Variants in SERGEF observed in about 807,000 individuals in gnomAD.
The protein encoded by SERGEF is secretion-regulating guanine nucleotide exchange factor.
Under a neutral mutation model 50.0 loss-of-function variants are expected in SERGEF, and 51 were observed. The observed-to-expected ratio is 1.02, with a 90% confidence interval of 0.81 to 1.29. The LOEUF is 1.29. Among genes scored for constraint, SERGEF ranks in the 50% most tolerant of loss-of-function variants. The pLI is 0.00. For synonymous variants in SERGEF, 205 were observed against 212.4 expected (o/e 0.97, Z 0.30); for missense variants, 521 against 557.0 (o/e 0.94, Z 0.65).
At chr11:17,890,121 C>T (rs565045655) in intron 9 of SERGEF, among the ~76,000 whole-genome samples, 20 of 150,984 alleles carry the variant, frequency 1.3e-4, no homozygotes, top group African/African-American at 3.6e-4. Context: ...AGAAAAGTGG[C>T]TAAGAAGGGG....
chr11:17,917,770 A>G (rs1448950100), intron 9 of SERGEF, among the ~76,000 whole-genome samples: 1 of 152,106 alleles, frequency 6.6e-6, no homozygotes, highest in Non-Finnish European at 1.5e-5. Context: ...CAGCATAGGA[A>G]TGCTGGAAAT....
At chr11:17,814,278 T>C (rs1270898706) in intron 10 of SERGEF, among the ~76,000 whole-genome samples, 1 of 152,202 alleles carries the variant, frequency 6.6e-6, no homozygotes, top group Non-Finnish European at 1.5e-5. Flanking sequence ...GTGGGCCTCA[T>C]CCAGTTAAAG....
intron 10 of SERGEF, among the ~76,000 whole-genome samples, chr11:17,828,181 C>G (rs559076547): frequency 6.6e-6 from 1 of 152,148 alleles, no homozygotes; most frequent in African/African-American, 2.4e-5. Flanking sequence ...GTGAGTAAGT[C>G]GGGAAGTTGA....
At chr11:17,841,797 T>C (rs1850507732) in intron 10 of SERGEF, among the ~76,000 whole-genome samples, 1 of 152,204 alleles carries the variant, frequency 6.6e-6, no homozygotes, top group African/African-American at 2.4e-5. Flanking sequence ...TCAAATCATA[T>C]TGACCTTCTC....
chr11:17,830,630 AAGGGGG>A (rs1565179365), intron 10 of SERGEF, among the ~76,000 whole-genome samples: 2 of 25,054 alleles, frequency 8.0e-5, no homozygotes, highest in Admixed American at 1.2e-3. Context: ...GAGAGAGGGA[AAGGGGG>A]AGGGAGAGGG....
intron 8 of SERGEF, among the ~76,000 whole-genome samples, chr11:17,974,592 G>C (rs1853327632): frequency 6.6e-6 from 1 of 152,148 alleles, no homozygotes; most frequent in African/African-American, 2.4e-5. Context: ...CTCATAAAAG[G>C]GCTCATGTGG....
rs183433907 is a variant in SERGEF at position 17,832,210 on chromosome 11, A to T, written c.1049-43797T>A. Among the ~76,000 whole-genome samples the T allele has an allele frequency of 3.9e-5, 6 of 152,316 alleles. No individual in the cohort carries two copies. In the East Asian group the frequency reaches 1.2e-3, roughly 29 times the overall value. On this transcript the variant is annotated intron_variant, in intron 10 of 10. Transcript: ENST00000265965. Reference sequence around the variant, plus strand: ...TGTGGGAGGGACCTGGTGGGAGGTAACTGAATCATGGGGGCAAATCATTCT... The same window carrying T: ...TGTGGGAGGGACCTGGTGGGAGGTATCTGAATCATGGGGGCAAATCATTCT...
chr11:17,995,565 C>A (rs548885654), intron 6 of SERGEF, among the ~76,000 whole-genome samples: 1 of 152,330 alleles, frequency 6.6e-6, no homozygotes, highest in African/African-American at 2.4e-5. Flanking sequence ...TCAATCTCCA[C>A]CTACCTGACT....
intron 10 of SERGEF, among the ~76,000 whole-genome samples, chr11:17,812,934 G>A (rs910774510): frequency 6.6e-6 from 1 of 152,166 alleles, no homozygotes; most frequent in African/African-American, 2.4e-5. Flanking sequence ...CTTGGAGAGC[G>A]TGAAGGCAAT....
chr11:17,959,160 T>C (rs1175979591), intron 9 of SERGEF, among the ~76,000 whole-genome samples: 1 of 152,208 alleles, frequency 6.6e-6, no homozygotes, highest in Non-Finnish European at 1.5e-5. Context: ...TGAGCCACCG[T>C]GCCTGGCCAG....
intron 8 of SERGEF, among the ~76,000 whole-genome samples, chr11:17,986,895 C>T (rs1397984444): frequency 1.3e-5 from 2 of 152,202 alleles, no homozygotes; most frequent in Non-Finnish European, 2.9e-5. Flanking sequence ...ACAGGTCTAT[C>T]ACCCCTAGTG....
At chr11:17,818,186 C>T (rs1247868807) in intron 10 of SERGEF, among the ~76,000 whole-genome samples, 2 of 152,076 alleles carry the variant, frequency 1.3e-5, no homozygotes, top group African/African-American at 4.8e-5. Flanking sequence ...TTGAGTGAGA[C>T]ACGGGAAACA....
intron 7 of SERGEF, among the ~76,000 whole-genome samples, chr11:17,989,263 G>C (rs1261854012): frequency 1.3e-5 from 2 of 152,228 alleles, no homozygotes; most frequent in Non-Finnish European, 2.9e-5. Flanking sequence ...ACTTCAGTTT[G>C]TTTTAACCTC....
chr11:17,809,395 A>G (rs1232882575), intron 10 of SERGEF, among the ~76,000 whole-genome samples: 1 of 152,230 alleles, frequency 6.6e-6, no homozygotes, highest in South Asian at 2.1e-4. Context: ...TTCATAGCCA[A>G]TTGGAAGCCA....
chr11:17,965,620 T>C (rs971641014), intron 8 of SERGEF, among the ~76,000 whole-genome samples: 14 of 152,192 alleles, frequency 9.2e-5, no homozygotes, highest in Non-Finnish European at 1.8e-4. Context: ...GTTTAATTAA[T>C]GTGTGCCTCC....
At chr11:17,993,112 T>A in intron 6 of SERGEF, 119 bp from the exon 7 acceptor site, 1 of 739,920 alleles carries the variant, frequency 1.4e-6, no homozygotes, top group East Asian at 2.7e-5. Flanking sequence ...CAGGCAGGCC[T>A]GAGTCAGCAG....
chr11:17,842,750 G>C (rs1850528216), intron 10 of SERGEF, among the ~76,000 whole-genome samples: 1 of 152,162 alleles, frequency 6.6e-6, no homozygotes, highest in Non-Finnish European at 1.5e-5. Context: ...TGTGGTGCTG[G>C]AGGCATTGTG....
At chr11:17,993,473 G>A (rs1192848145) in intron 6 of SERGEF, among the ~76,000 whole-genome samples, 1 of 152,054 alleles carries the variant, frequency 6.6e-6, no homozygotes, top group African/African-American at 2.4e-5. Flanking sequence ...GTTATCAAAC[G>A]CAGGCACTTA....
intron 6 of SERGEF, 50 bp from the exon 7 acceptor site, chr11:17,993,043 T>C: frequency 1.3e-6 from 2 of 1,535,148 alleles, no homozygotes; most frequent in Non-Finnish European, 1.8e-6. Context: ...CAGAACAAAC[T>C]GGGCAGAGAG....
Sources: allele counts gnomAD v4.1 joint callset (sites outside exome capture counted in the v4.1 genomes callset), GRCh38; gene constraint gnomAD v4.1.1; transcripts MANE v1.5; gene names NCBI Gene and HGNC (gene_info 2026-07-23, HGNC 2026-07-21).